The following ARB2A variants were observed in gnomAD, a reference collection of about 807,000 sequenced individuals.
ARB2A encodes ARB2 cotranscriptional regulator A.
At chr5:93,880,558 T>C in the ARB2A span, among the ~76,000 whole-genome samples, 1 of 151,790 alleles carries the variant, frequency 6.6e-6, no homozygotes, top group Non-Finnish European at 1.5e-5. Context: ...TCTGAATTGC[T>C]CACTTTTGAG....
chr5:93,842,373 C>G, the ARB2A span, among the ~76,000 whole-genome samples: 1 of 152,266 alleles, frequency 6.6e-6, no homozygotes, highest in Admixed American at 6.5e-5. Flanking sequence ...TCTGGCCTAC[C>G]AGTCTAAAGT....
the ARB2A span, among the ~76,000 whole-genome samples, chr5:93,798,968 CT>C: frequency 1.3e-5 from 2 of 152,006 alleles, no homozygotes; most frequent in East Asian, 3.9e-4. Flanking sequence ...TTGTTTTATT[CT>C]TTTTCTGATC....
At chr5:94,037,947 T>C in the ARB2A span, among the ~76,000 whole-genome samples, 1 of 152,152 alleles carries the variant, frequency 6.6e-6, no homozygotes. Flanking sequence ...AATAAAATTG[T>C]ACTCTTAGTT....
At chr5:93,658,910 A>AG in the ARB2A span, among the ~76,000 whole-genome samples, 1 of 118,068 alleles carries the variant, frequency 8.5e-6, no homozygotes, top group Non-Finnish European at 1.6e-5. Context: ...TGTTTCCTGT[A>AG]GGGTGACCAA....
At chr5:94,094,480 T>C in the ARB2A span, among the ~76,000 whole-genome samples, 1 of 152,152 alleles carries the variant, frequency 6.6e-6, no homozygotes, top group African/African-American at 2.4e-5. Flanking sequence ...AACATACAAA[T>C]TGGAGGGACA....
the ARB2A span, chr5:93,620,188 G>T: frequency 6.6e-6 from 1 of 152,110 alleles, no homozygotes; most frequent in African/African-American, 2.4e-5. Context: ...ATTGAAAATG[G>T]GACCTTCACA....
chr5:93,639,479 C>A, the ARB2A span, among the ~76,000 whole-genome samples: 1 of 151,694 alleles, frequency 6.6e-6, no homozygotes, highest in Non-Finnish European at 1.5e-5. Flanking sequence ...AATGCAACTG[C>A]CTTCTACATG....
At chr5:93,748,881 G>C in the ARB2A span, among the ~76,000 whole-genome samples, 1 of 152,074 alleles carries the variant, frequency 6.6e-6, no homozygotes, top group Non-Finnish European at 1.5e-5. Context: ...ATCAGTACTT[G>C]CCTTCTTTTC....
At chr5:93,843,318 G>A in the ARB2A span, among the ~76,000 whole-genome samples, 5 of 151,412 alleles carry the variant, frequency 3.3e-5, no homozygotes, top group African/African-American at 4.9e-5. Flanking sequence ...ATAGACACTT[G>A]AAAGAAACGG....
At chr5:93,683,600 G>T in the ARB2A span, 1 of 1,471,708 alleles carries the variant, frequency 6.8e-7, no homozygotes, top group Non-Finnish European at 9.4e-7. Flanking sequence ...GATAACTGGC[G>T]CTCATTTTCA....
At chr5:93,931,802 T>C in the ARB2A span, among the ~76,000 whole-genome samples, 37 of 152,082 alleles carry the variant, frequency 2.4e-4, 1 homozygote, top group African/African-American at 8.7e-4. Context: ...CTCCTTTAAG[T>C]ATAAACTCTA....
the ARB2A span, among the ~76,000 whole-genome samples, chr5:93,883,215 AC>A: frequency 6.6e-6 from 1 of 151,518 alleles, no homozygotes; most frequent in Non-Finnish European, 1.5e-5. Flanking sequence ...TAATGATAGG[AC>A]TATTAATTAA....
chr5:94,079,572 C>T, the ARB2A span, among the ~76,000 whole-genome samples: 2 of 152,262 alleles, frequency 1.3e-5, no homozygotes, highest in South Asian at 4.1e-4. Flanking sequence ...ACAACTTCAC[C>T]AGAAAAATAA....
chr5:93,716,693 C>CAAAAAAAAAAAAAAA, the ARB2A span, among the ~76,000 whole-genome samples: 1 of 36,690 alleles, frequency 2.7e-5, no homozygotes, highest in African/African-American at 7.9e-5. Context: ...ATAAGCTGTG[C>CAAAAAAAAAAAAAAA]AAAAAAAAAA....
chr5:93,989,723 T>C, the ARB2A span, among the ~76,000 whole-genome samples: 1 of 152,190 alleles, frequency 6.6e-6, no homozygotes, highest in African/African-American at 2.4e-5. Flanking sequence ...TATATTCAGA[T>C]GATTTGATGT....
At chr5:93,828,879 C>T in the ARB2A span, among the ~76,000 whole-genome samples, 12 of 152,210 alleles carry the variant, frequency 7.9e-5, no homozygotes, top group East Asian at 1.9e-4. Context: ...CAGGTTCAAG[C>T]GATTTTCCTG....
chr5:93,738,964 A>G, the ARB2A span: 1 of 152,232 alleles, frequency 6.6e-6, no homozygotes, highest in African/African-American at 2.4e-5. Flanking sequence ...ACACAAAAAT[A>G]GGCAAAGGTA....
chr5:93,800,178 C>A, the ARB2A span, among the ~76,000 whole-genome samples: 5 of 151,850 alleles, frequency 3.3e-5, no homozygotes, highest in South Asian at 1.0e-3. Flanking sequence ...TTAAAACTGC[C>A]CATGTGTTTA....
chr5:94,081,633 TG>T, the ARB2A span, among the ~76,000 whole-genome samples: 1 of 152,178 alleles, frequency 6.6e-6, no homozygotes, highest in East Asian at 1.9e-4. Context: ...TTATATGAAA[TG>T]TCCAGAACAG....
Sources: allele counts gnomAD v4.1 joint callset (sites outside exome capture counted in the v4.1 genomes callset), GRCh38; gene constraint gnomAD v4.1.1; transcripts MANE v1.5; gene names NCBI Gene and HGNC (gene_info 2026-07-23, HGNC 2026-07-21).